Variants in CD80 observed in about 807,000 individuals in gnomAD.
The protein encoded by CD80 is T-lymphocyte activation antigen CD80.
Under a neutral mutation model 27.1 loss-of-function variants are expected in CD80, and 13 were observed. The ratio of observed to expected loss-of-function variants is 0.48; its 90% CI spans 0.31 to 0.76. The LOEUF (loss-of-function observed/expected upper bound fraction) is 0.76, where lower values mean the gene tolerates loss of function less well. Among genes scored for constraint, CD80 ranks in the 30% least tolerant of loss-of-function variants. The pLI is 0.04. For missense variants in CD80, 277 were observed against 347.9 expected, an observed-to-expected ratio of 0.80 and a Z score of 1.62; for synonymous variants, 125 against 125.5, an observed-to-expected ratio of 1.00 and a Z score of 0.03.
intron 5 of CD80, among the ~76,000 whole-genome samples, chr3:119,528,889 A>G (rs1387255052): frequency 6.9e-6 from 1 of 145,498 alleles, no homozygotes; most frequent in Non-Finnish European, 1.5e-5. Context: ...CGGGGCATAC[A>G]CTCCAGCCTG....
intron 2 of CD80, among the ~76,000 whole-genome samples, chr3:119,546,827 C>G (rs1402828228): frequency 1.3e-5 from 2 of 152,016 alleles, no homozygotes; most frequent in East Asian, 3.8e-4. Context: ...CACACACACA[C>G]ACACACACAC....
intron 3 of CD80, among the ~76,000 whole-genome samples, chr3:119,538,955 A>C (rs61400421): frequency 0.16 from 23,706 of 151,982 alleles, 1,978 homozygotes; most frequent in East Asian, 0.33. Context: ...CCCATACCCC[A>C]AAAAAACACC....
chr3:119,540,610 A>G (rs375404765), intron 3 of CD80, among the ~76,000 whole-genome samples: 2 of 152,220 alleles, frequency 1.3e-5, no homozygotes, highest in African/African-American at 4.8e-5. Context: ...TTCTTATAAC[A>G]TCAATATGTT....
At chr3:119,538,701 A>T (rs969692562) in intron 3 of CD80, among the ~76,000 whole-genome samples, 5 of 152,144 alleles carry the variant, frequency 3.3e-5, no homozygotes, top group African/African-American at 1.2e-4. Context: ...CTTTCTGGCT[A>T]CCTAAACTCA....
chr3:119,542,313 C>T (rs777865759), intron 3 of CD80, among the ~76,000 whole-genome samples: 24 of 152,060 alleles, frequency 1.6e-4, no homozygotes, highest in Non-Finnish European at 2.9e-4. Flanking sequence ...CTCCCCACAA[C>T]TTTAGGTGTG....
At chr3:119,553,846 C>G (rs895369304) in intron 2 of CD80, among the ~76,000 whole-genome samples, 2 of 152,242 alleles carry the variant, frequency 1.3e-5, no homozygotes, top group African/African-American at 4.8e-5. Context: ...CCTATTGTCT[C>G]ACCACCTGGA....
intron 6 of CD80, among the ~76,000 whole-genome samples, chr3:119,526,157 AG>A (rs1305864348): frequency 6.6e-6 from 1 of 152,164 alleles, no homozygotes; most frequent in African/African-American, 2.4e-5. Context: ...TGGGGCTCTC[AG>A]GCATGGTTGC....
At chr3:119,533,992 A>G (rs1006331081) in intron 4 of CD80, among the ~76,000 whole-genome samples, 3 of 152,112 alleles carry the variant, frequency 2.0e-5, no homozygotes, top group Non-Finnish European at 2.9e-5. Context: ...TTATACCCTA[A>G]AGCTCTCCAG....
intron 4 of CD80, among the ~76,000 whole-genome samples, chr3:119,530,702 T>A (rs2082104583): frequency 1.3e-5 from 2 of 152,202 alleles, no homozygotes; most frequent in African/African-American, 4.8e-5. Flanking sequence ...TTCAGCTGCT[T>A]TGAGGAATCA....
At chr3:119,533,438 T>A (rs923488967) in intron 4 of CD80, among the ~76,000 whole-genome samples, 10 of 152,204 alleles carry the variant, frequency 6.6e-5, no homozygotes, top group South Asian at 2.1e-4. Flanking sequence ...ATCAGTTATT[T>A]ACTGATATGG....
intron 6 of CD80, 109 bp downstream of exon 6, chr3:119,527,624 A>G: frequency 3.3e-6 from 2 of 605,374 alleles, no homozygotes; most frequent in Non-Finnish European, 5.9e-6. Context: ...AATCTGAAAG[A>G]GGTTTTTAAG....
chr3:119,524,611 C>A lies in CD80; in HGVS notation c.*1177G>T, dbSNP rs1405316472. 1.3e-5 allele frequency: 2 copies of A among 152,208 alleles called. No individual in the cohort carries two copies. Among genetic ancestry groups the A allele is most frequent in the Non-Finnish European group, 2.9e-5 (2 of 68,044 alleles). 9.4% of individuals were successfully genotyped at this position (152,208 alleles called of 1,614,324 possible). A position where few individuals can be genotyped will look rare whatever the true frequency, so the allele number is the denominator to read the frequency against. On this transcript the variant is annotated 3_prime_UTR_variant, in exon 7 of 7. Transcript: ENST00000264246. ...AAATCCCAGCCATGTGGCTTAGCTGCCATGAGATGTGCATTTGAGAAATGT... is the reference window on the plus strand; with the variant it reads ...AAATCCCAGCCATGTGGCTTAGCTGACATGAGATGTGCATTTGAGAAATGT...
Position 119,529,660 on chromosome 3 carries a change from C to T in CD80, c.796+182G>A, listed in dbSNP as rs191663925. ...GAGTGCCACACACGTAGGAGGTGTCCGGAAAATGTCCAGTGAATGAACAGA... is the reference window on the plus strand; with the variant it reads ...GAGTGCCACACACGTAGGAGGTGTCTGGAAAATGTCCAGTGAATGAACAGA... On this transcript the variant is annotated intron_variant, in intron 5 of 6. Coordinates refer to ENST00000264246, the MANE Select transcript of CD80 (RefSeq NM_005191.4). 7.9e-5 allele frequency among the ~76,000 whole-genome samples: 12 copies of T among 152,036 alleles called. No homozygotes were observed. In the East Asian group the frequency reaches 2.1e-3, roughly 27 times the overall value.
intron 4 of CD80, among the ~76,000 whole-genome samples, chr3:119,531,042 G>A (rs1302188104): frequency 1.3e-5 from 2 of 152,252 alleles, no homozygotes; most frequent in Admixed American, 6.5e-5. Context: ...TTCTCAATGT[G>A]TGATGCTTAG....
Position 119,527,827 on chromosome 3 carries a change from A to G in CD80, c.811T>C (p.Cys271Arg). 1 of 1,613,778 alleles carries G rather than the reference A, an allele frequency of 6.2e-7. No homozygotes were observed. Among genetic ancestry groups the G allele is most frequent in the Non-Finnish European group, 8.5e-7 (1 of 1,179,720 alleles). ...CCLTYCFAPR[C>R]RERRRNERLR... ...CTCTCATTCCTCCTTCTCTCTCTGC[A>G]TCTTGGGGCAAAGCCTTGGAGACAA... Residue 271 changes from cysteine (C) to arginine (R), a missense_variant, in exon 6 of 7, where the codon TGC becomes CGC. Coordinates refer to ENST00000264246, the MANE Select transcript of CD80 (RefSeq NM_005191.4).
intron 3 of CD80, among the ~76,000 whole-genome samples, chr3:119,542,746 A>G (rs1473946904): frequency 6.6e-6 from 1 of 152,232 alleles, no homozygotes; most frequent in East Asian, 1.9e-4. Flanking sequence ...AGTTTAAACA[A>G]AGATGGTAAC....
At chr3:119,545,141 C>G (rs568485647) in intron 2 of CD80, among the ~76,000 whole-genome samples, 6 of 152,144 alleles carry the variant, frequency 3.9e-5, no homozygotes, top group South Asian at 2.1e-4. Flanking sequence ...GTCAGGAGTT[C>G]GAGACCAGCC....
At chr3:119,546,666 T>C (rs545227089) in intron 2 of CD80, among the ~76,000 whole-genome samples, 9 of 152,336 alleles carry the variant, frequency 5.9e-5, no homozygotes, top group African/African-American at 2.2e-4. Flanking sequence ...TTGGATCTGT[T>C]GCCTGGTCAC....
intron 4 of CD80, among the ~76,000 whole-genome samples, chr3:119,531,137 A>G (rs576301678): frequency 1.3e-5 from 2 of 152,398 alleles, no homozygotes; most frequent in East Asian, 3.9e-4. Context: ...AGTTCTTTGC[A>G]TAGCACCATT....
Sources: allele counts gnomAD v4.1 joint callset (sites outside exome capture counted in the v4.1 genomes callset), GRCh38; gene constraint gnomAD v4.1.1; transcripts MANE v1.5; gene names NCBI Gene and HGNC (gene_info 2026-07-23, HGNC 2026-07-21).